ELP5: variants seen among roughly 807,000 people sequenced by gnomAD.
The protein encoded by ELP5 is elongator complex protein 5.
A neutral mutation model predicts 33.4 loss-of-function variants in ELP5; 34 were observed. The observed-to-expected ratio is 1.02, with a 90% CI of 0.78 to 1.36. The LOEUF is 1.36. Among genes scored for constraint, ELP5 ranks in the 40% most tolerant of loss-of-function variants. The probability of loss-of-function intolerance (pLI) is 0.00; values close to 1 mark genes in which losing one functional copy is unlikely to be tolerated. For synonymous variants in ELP5, 161 were observed against 146.4 expected (o/e 1.10, Z -0.72); for missense variants, 373 against 371.7 (o/e 1.00, Z -0.03).
intron 4 of ELP5, chr17:7,255,013 AT>A: frequency 1.8e-6 from 1 of 567,708 alleles, no homozygotes. Context: ...TTTTTTACTC[AT>A]TTGTTTCACT....
At chr17:7,257,146 AC>A in intron 5 of ELP5, 108 bp downstream of exon 5, 2 of 1,237,274 alleles carry the variant, frequency 1.6e-6, no homozygotes, top group South Asian at 3.3e-5. Context: ...TTAAAAACAA[AC>A]TTTTTTAGAG....
Position 7,254,678 on chromosome 17 carries a change from G to A in ELP5, c.284G>A (p.Cys95Tyr). The A allele has an allele frequency of 6.2e-7, 1 of 1,614,128 alleles. No individual in the cohort carries two copies. Among genetic ancestry groups the A allele is most frequent in the Non-Finnish European group, 8.5e-7 (1 of 1,180,014 alleles). The change falls in exon 4 of 8, where the codon TGC becomes TAC. Residue 95 changes from cysteine (C) to tyrosine (Y), a missense_variant. Coordinates refer to ENST00000396628, the MANE Select transcript of ELP5 (RefSeq NM_203414.3). ...CCGCTGGGAGCCTTGAGAGCCATGTGCAAGAGGACAGATCCTGTTCCTGTC... is the reference window on the plus strand; with the variant it reads ...CCGCTGGGAGCCTTGAGAGCCATGTACAAGAGGACAGATCCTGTTCCTGTC... ...GGPLGALRAM[C>Y]KRTDPVPVTI...
chr17:7,259,408 G>C, intron 7 of ELP5, 163 bp from the exon 8 acceptor site: 9 of 1,445,130 alleles, frequency 6.2e-6, no homozygotes, highest in Non-Finnish European at 8.2e-6. Context: ...AGTACCAAAT[G>C]GTGCTTCAGC....
chr17:7,252,160 G>GGCCTGAGGCGAA, upstream of ELP5: 2 of 371,996 alleles, frequency 5.4e-6, no homozygotes, highest in East Asian at 1.4e-4. Context: ...CGCGGGGCGG[G>GGCCTGAGGCGAA]GCCTGAGGCG....
chr17:7,258,611 G>A lies in ELP5; in HGVS notation c.615G>A (p.Pro205=), dbSNP rs751945814. The A allele has an allele frequency of 2.5e-5, 40 of 1,613,902 alleles. No homozygotes were observed. The highest frequency in any genetic ancestry group is 9.4e-5 in the African/African-American group (7 of 74,840). The part of the protein sequence containing the change: ...TDQTQWFSIL[P]DFSLDLQEGP... ...AGACTCAGTGGTTCTCCATCCTTCC[G>A]GACTTCAGCCTGGATCTCCAAGAGG... The change falls in exon 6 of 8, where the codon CCG becomes CCA. Residue 205 remains proline, a synonymous_variant. Transcript: ENST00000396628.
At chr17:7,259,117 C>T (rs941504037) in intron 7 of ELP5, 191 bp downstream of exon 7, 4 of 1,439,666 alleles carry the variant, frequency 2.8e-6, no homozygotes, top group Admixed American at 2.8e-5. Flanking sequence ...TCTTTTCTCT[C>T]CCTTATACCC....
intron 4 of ELP5, among the ~76,000 whole-genome samples, chr17:7,256,210 G>A (rs868400354): frequency 1.9e-4 from 29 of 152,160 alleles, no homozygotes; most frequent in Admixed American, 1.2e-3. Context: ...TTAGCCAGGC[G>A]TGGTGGCACG....
intron 4 of ELP5, among the ~76,000 whole-genome samples, chr17:7,256,388 C>G (rs1461911506): frequency 6.6e-6 from 1 of 152,202 alleles, no homozygotes; most frequent in African/African-American, 2.4e-5. Context: ...TGATTTCATA[C>G]AGTTTGACCT....
At chr17:7,252,141 G>GA, upstream of ELP5, 1 of 357,194 alleles carries the variant, frequency 2.8e-6, no homozygotes, top group South Asian at 2.3e-5. Context: ...CGCACGCGCA[G>GA]AAGGTGGCCG....
In ELP5 at chr17:7,252,391, C is replaced by T. The variant is rs932927605; in HGVS notation, c.-160C>T. Reference sequence around the variant, plus strand: ...GGGCGCCCTCCGCGTGAGCGCCCCCCTGGGAATATTGAACATAATCACCTC... The same window carrying T: ...GGGCGCCCTCCGCGTGAGCGCCCCCTTGGGAATATTGAACATAATCACCTC... On this transcript the variant is annotated 5_prime_UTR_variant, in exon 1 of 8. Coordinates refer to ENST00000396628, the MANE Select transcript of ELP5 (RefSeq NM_203414.3). 1.5e-5 allele frequency: 17 copies of T among 1,157,248 alleles called. No individual in the cohort carries two copies. In the East Asian group the frequency reaches 4.3e-4, roughly 29 times the overall value. 71.7% of individuals were successfully genotyped at this position (1,157,248 alleles called of 1,614,324 possible). A position where few individuals can be genotyped will look rare whatever the true frequency, so the allele number is the denominator to read the frequency against.
At chr17:7,252,733 G>GC (rs1219759508) in intron 1 of ELP5, 37 bp from the exon 2 acceptor site, 1 of 1,613,840 alleles carries the variant, frequency 6.2e-7, no homozygotes, top group Non-Finnish European at 8.5e-7. Context: ...GGTAATCCCA[G>GC]CGCTCTCATA....
intron 7 of ELP5, chr17:7,259,247 C>T (rs1022568623): frequency 8.2e-5 from 112 of 1,368,992 alleles, no homozygotes; most frequent in Non-Finnish European, 1.0e-4. Flanking sequence ...GCTATATGGG[C>T]GTGGCAGAGG....
chr17:7,256,918 A>G lies in ELP5; in HGVS notation c.471A>G (p.Gly157=). The change falls in exon 5 of 8, where the codon GGA becomes GGG. Residue 157 remains glycine (G), a synonymous_variant. Coordinates refer to ENST00000396628, the MANE Select transcript of ELP5 (RefSeq NM_203414.3). ...VLGLLHEELH[G]PGPVGALSSL... is the part of the protein sequence containing the mutation. Reference sequence around the variant, plus strand: ...GCTTGCTACATGAAGAGCTTCATGGACCAGGCCCTGTGGGAGCTCTCAGCA... The same window carrying G: ...GCTTGCTACATGAAGAGCTTCATGGGCCAGGCCCTGTGGGAGCTCTCAGCA... 2.5e-6 allele frequency: 4 copies of G among 1,614,146 alleles called. No homozygotes were observed. Among genetic ancestry groups the G allele is most frequent in the Non-Finnish European group, 3.4e-6 (4 of 1,180,034 alleles).
rs558309811 is a variant in ELP5, at chr17:7,259,707, G to T, written c.*22G>T. The T allele has an allele frequency of 7.4e-6, 12 of 1,614,118 alleles. No homozygotes were observed. The East Asian group carries it at 2.5e-4, about 33-fold the overall frequency. On this transcript the variant is annotated 3_prime_UTR_variant, in exon 8 of 8. Coordinates refer to ENST00000396628, the MANE Select transcript of ELP5 (RefSeq NM_203414.3). Reference sequence around the variant, plus strand: ...TTGACTGGCCAGATTTGATTAGATTGTAATTGGAGGGGGCGCGGGAAGACT... The same window carrying T: ...TTGACTGGCCAGATTTGATTAGATTTTAATTGGAGGGGGCGCGGGAAGACT...
chr17:7,251,815 C>G (rs1241694734), upstream of ELP5: 1 of 72,192 alleles, frequency 1.4e-5, no homozygotes, highest in African/African-American at 4.3e-5. Context: ...AGCGAAGGAG[C>G]AGGGAAGGAG....
At chr17:7,254,559 T>C (rs1567591564) in intron 3 of ELP5, 24 bp from the exon 4 acceptor site, 2 of 1,567,000 alleles carry the variant, frequency 1.3e-6, no homozygotes, top group South Asian at 1.1e-5. Context: ...CAATATTATA[T>C]TGTGTCTTAT....
chr17:7,252,828 G>A lies in ELP5; in HGVS notation c.105G>A (p.Leu35=), dbSNP rs965418265. Residue 35 remains leucine, a splice_region_variant and synonymous_variant, in exon 2 of 8, where the codon CTG becomes CTA. Transcript: ENST00000396628. ...AGGCGCTTGTCAAGAAATCTGCACT[G>A]TGGTGAGTATCCCACAGTGTCTCCC... The part of the protein sequence containing the change: ...LLKALVKKSA[L]CGEQVHILGC... The A allele has an allele frequency of 5.0e-6, 8 of 1,614,130 alleles. No individual in the cohort carries two copies. Among genetic ancestry groups the A allele is most frequent in the South Asian group, 1.1e-5 (1 of 91,092 alleles).
chr17:7,252,290 G>T lies in ELP5; in HGVS notation c.-261G>T, dbSNP rs1380556590. 14 of 567,826 alleles carry T rather than the reference G, an allele frequency of 2.5e-5. No individual in the cohort carries two copies. Among genetic ancestry groups the T allele is most frequent in the South Asian group, 2.1e-4 (11 of 52,562 alleles). The allele number at this position is 567,826 out of a possible 1,614,324, so 35.2% of individuals were successfully genotyped here. A position where few individuals can be genotyped will look rare whatever the true frequency, so the allele number is the denominator to read the frequency against. On this transcript the variant is annotated 5_prime_UTR_variant, in exon 1 of 8. Coordinates refer to ENST00000396628, the MANE Select transcript of ELP5 (RefSeq NM_203414.3). ...CCTCCCACTGACAACTGCCCCAACT[G>T]CTCTTCCCGCCCCGGTCACAGTGAA...
chr17:7,257,140 AAAC>A (rs1384025093), intron 5 of ELP5, 102 bp downstream of exon 5: 5 of 1,309,408 alleles, frequency 3.8e-6, no homozygotes, highest in Non-Finnish European at 5.1e-6. Flanking sequence ...GAGACTTTAA[AAAC>A]AAACTTTTTT....
Sources: gnomAD v4.1 joint callset for allele counts (sites outside exome capture counted in the v4.1 genomes callset) on GRCh38, gnomAD v4.1.1 for gene constraint, MANE v1.5 for transcripts, NCBI Gene and HGNC (gene_info 2026-07-23, HGNC 2026-07-21) for gene names.